Variants in SLX4IP observed in about 807,000 individuals in gnomAD.
SLX4IP encodes the protein protein SLX4IP.
In SLX4IP, 34 loss-of-function variants were observed where a neutral mutation model predicts 32.9. That is an observed-to-expected ratio of 1.03 (90% confidence interval 0.79 to 1.38). The LOEUF (loss-of-function observed/expected upper bound fraction) is 1.38, where lower values mean the gene tolerates loss of function less well. Among genes scored for constraint, SLX4IP ranks in the 40% most tolerant of loss-of-function variants. The pLI is 0.00. For missense variants in SLX4IP, 444 were observed against 479.0 expected, an observed-to-expected ratio of 0.93 and a Z score of 0.68; for synonymous variants, 172 against 171.7, an observed-to-expected ratio of 1.00 and a Z score of -0.01.
intron 7 of SLX4IP, 23 bp from the exon 8 acceptor site, chr20:10,622,635 TA>T (rs776842283): frequency 6.3e-7 from 1 of 1,584,108 alleles, no homozygotes; most frequent in Non-Finnish European, 8.6e-7. Flanking sequence ...TTACAAACCA[TA>T]AAATCATTTT....
chr20:10,449,800 T>C (rs2065227555), intron 1 of SLX4IP, among the ~76,000 whole-genome samples: 1 of 152,206 alleles, frequency 6.6e-6, no homozygotes, highest in African/African-American at 2.4e-5. Context: ...CTATTTTACA[T>C]TGTCAGACCA....
chr20:10,454,100 CA>C (rs1194913222), intron 1 of SLX4IP, among the ~76,000 whole-genome samples: 3 of 152,072 alleles, frequency 2.0e-5, no homozygotes, highest in Non-Finnish European at 4.4e-5. Context: ...TTGTTTCAGC[CA>C]AATAGGTTTT....
At chr20:10,471,510 T>C (rs1367205488) in intron 2 of SLX4IP, among the ~76,000 whole-genome samples, 5 of 152,228 alleles carry the variant, frequency 3.3e-5, no homozygotes, top group African/African-American at 7.2e-5. Flanking sequence ...GGAAAAGCCA[T>C]AGGGCAGCCA....
At chr20:10,520,367 A>G (rs189544373) in intron 2 of SLX4IP, among the ~76,000 whole-genome samples, 12 of 152,204 alleles carry the variant, frequency 7.9e-5, no homozygotes, top group Admixed American at 2.6e-4. Flanking sequence ...CCATTTTTCA[A>G]TTGGGTTATT....
intron 2 of SLX4IP, among the ~76,000 whole-genome samples, chr20:10,469,313 G>GT (rs761320893): frequency 1.8e-4 from 27 of 151,002 alleles, no homozygotes; most frequent in Non-Finnish European, 3.7e-4. Context: ...TGGTATATTT[G>GT]TTTTTTTAAA....
At chr20:10,540,078 T>G (rs1213080059) in intron 2 of SLX4IP, among the ~76,000 whole-genome samples, 2 of 119,100 alleles carry the variant, frequency 1.7e-5, no homozygotes, top group African/African-American at 2.9e-5. Context: ...CTTTTCTTTC[T>G]TTTCTCTCCT....
At chr20:10,566,512 G>A (rs940537734) in intron 4 of SLX4IP, among the ~76,000 whole-genome samples, 9 of 151,978 alleles carry the variant, frequency 5.9e-5, no homozygotes, top group Non-Finnish European at 1.0e-4. Flanking sequence ...GAACGTAAAC[G>A]TTTGCTGAGG....
intron 2 of SLX4IP, among the ~76,000 whole-genome samples, chr20:10,471,120 G>C (rs1415068357): frequency 6.6e-6 from 1 of 152,170 alleles, no homozygotes; most frequent in Admixed American, 6.5e-5. Flanking sequence ...CATGTCTTAG[G>C]CTGTCAGTAA....
intron 4 of SLX4IP, among the ~76,000 whole-genome samples, chr20:10,572,460 G>A (rs1440062845): frequency 6.6e-6 from 1 of 152,096 alleles, no homozygotes; most frequent in Non-Finnish European, 1.5e-5. Flanking sequence ...CTGATCATGA[G>A]ATGGAAAGGG....
At chr20:10,534,631 G>A (rs2066022032) in intron 2 of SLX4IP, among the ~76,000 whole-genome samples, 2 of 152,184 alleles carry the variant, frequency 1.3e-5, no homozygotes, top group Admixed American at 6.5e-5. Flanking sequence ...GTCCTGCTCC[G>A]TGTTCAGCTC....
At chr20:10,456,412 G>T (rs2065285927) in intron 1 of SLX4IP, among the ~76,000 whole-genome samples, 1 of 152,048 alleles carries the variant, frequency 6.6e-6, no homozygotes, top group Non-Finnish European at 1.5e-5. Context: ...CATGATTTTG[G>T]CTCACTGCAA....
intron 4 of SLX4IP, among the ~76,000 whole-genome samples, chr20:10,583,457 C>T (rs1213004687): frequency 6.6e-6 from 1 of 152,146 alleles, no homozygotes; most frequent in Non-Finnish European, 1.5e-5. Context: ...ACCCTCATCC[C>T]CAATTTTTTT....
At chr20:10,608,086 A>T (rs570107553) in intron 6 of SLX4IP, among the ~76,000 whole-genome samples, 3 of 152,304 alleles carry the variant, frequency 2.0e-5, no homozygotes, top group Admixed American at 6.5e-5. Flanking sequence ...CTCATAGTGT[A>T]TCTTTGCCTG....
intron 2 of SLX4IP, among the ~76,000 whole-genome samples, chr20:10,507,230 A>G (rs924270737): frequency 6.6e-6 from 1 of 152,222 alleles, no homozygotes; most frequent in Non-Finnish European, 1.5e-5. Flanking sequence ...TAATGAGGAT[A>G]TGCGATTTGA....
chr20:10,449,421 C>T (rs1335319415), intron 1 of SLX4IP, among the ~76,000 whole-genome samples: 1 of 152,132 alleles, frequency 6.6e-6, no homozygotes. Context: ...TGGACCTTGG[C>T]GTGAGGCAGA....
intron 2 of SLX4IP, among the ~76,000 whole-genome samples, chr20:10,547,906 G>T (rs1298633208): frequency 6.6e-6 from 1 of 152,200 alleles, no homozygotes; most frequent in Non-Finnish European, 1.5e-5. Context: ...CCACCTGGTG[G>T]ATGGCCCATA....
intron 3 of SLX4IP, among the ~76,000 whole-genome samples, chr20:10,559,127 T>TAA (rs113553367): frequency 5.9e-4 from 87 of 146,506 alleles, no homozygotes; most frequent in African/African-American, 2.0e-3. Context: ...AATTGTTTTT[T>TAA]AAAAAAAAAA....
At chr20:10,470,112 C>T (rs528141345) in intron 2 of SLX4IP, among the ~76,000 whole-genome samples, 2 of 152,290 alleles carry the variant, frequency 1.3e-5, no homozygotes, top group South Asian at 2.1e-4. Flanking sequence ...ACCCCAGTTC[C>T]GCCCTGGTCC....
At chr20:10,571,730 G>A (rs2066468594) in intron 4 of SLX4IP, among the ~76,000 whole-genome samples, 1 of 152,172 alleles carries the variant, frequency 6.6e-6, no homozygotes, top group Admixed American at 6.5e-5. Context: ...GAGCACAAGT[G>A]TTGGGAGAAA....
Sources: allele counts gnomAD v4.1 joint callset (sites outside exome capture counted in the v4.1 genomes callset), GRCh38; gene constraint gnomAD v4.1.1; transcripts MANE v1.5; gene names NCBI Gene and HGNC (gene_info 2026-07-23, HGNC 2026-07-21).